Variants in SCFD2 observed in about 807,000 individuals in gnomAD.
SCFD2 encodes sec1 family domain containing 2.
In SCFD2, 54 loss-of-function variants were observed where a neutral mutation model predicts 58.9. That is an observed-to-expected ratio of 0.92 (90% CI 0.74 to 1.15). The LOEUF is 1.15. Among genes scored for constraint, SCFD2 ranks in the 50% most tolerant of loss-of-function variants. SCFD2 has a pLI of 0.00. For synonymous variants in SCFD2, 321 were observed against 335.9 expected (o/e 0.96, Z 0.49); for missense variants, 805 against 836.6 (o/e 0.96, Z 0.47).
intron 5 of SCFD2, among the ~76,000 whole-genome samples, chr4:52,982,756 C>A (rs993947311): frequency 1.8e-4 from 27 of 152,160 alleles, no homozygotes; most frequent in African/African-American, 6.3e-4. Context: ...TCAGACACTC[C>A]TCTACTGCTC....
At position 53,042,632 on chromosome 4, in the gene SCFD2, A is replaced by T. The variant is rs369577984; in HGVS notation, c.1561+102701T>A. Among the ~76,000 whole-genome samples, 255 of 152,282 alleles carry T rather than the reference A, an allele frequency of 1.7e-3. 4 individuals carry two copies. In the South Asian group the frequency reaches 0.049, roughly 29 times the overall value. ...ATGTACATGGAGGATCTGGTATAAGATAAAATATTCTCGAAAACAAAATCT... is the reference window on the plus strand; with the variant it reads ...ATGTACATGGAGGATCTGGTATAAGTTAAAATATTCTCGAAAACAAAATCT... On this transcript the variant is annotated intron_variant, in intron 5 of 8. Coordinates refer to ENST00000401642, the MANE Select transcript of SCFD2 (RefSeq NM_152540.4).
chr4:53,035,378 G>GA (rs1325230413), intron 5 of SCFD2, among the ~76,000 whole-genome samples: 1 of 152,164 alleles, frequency 6.6e-6, no homozygotes, highest in Non-Finnish European at 1.5e-5. Context: ...AATCCTAGGA[G>GA]AAAACCTGGG....
chr4:53,333,645 C>A (rs1020007745), intron 2 of SCFD2, among the ~76,000 whole-genome samples: 2 of 145,754 alleles, frequency 1.4e-5, no homozygotes, highest in African/African-American at 5.1e-5. Flanking sequence ...ACCATAAAAA[C>A]CCTAGAAGAA....
chr4:53,141,417 T>C (rs746162695), intron 5 of SCFD2, among the ~76,000 whole-genome samples: 6 of 152,070 alleles, frequency 3.9e-5, no homozygotes, highest in African/African-American at 1.4e-4. Flanking sequence ...TTTGACAAGA[T>C]TGATCAAAAA....
At chr4:52,940,112 T>A (rs1030377303) in intron 5 of SCFD2, among the ~76,000 whole-genome samples, 4 of 152,204 alleles carry the variant, frequency 2.6e-5, no homozygotes, top group Non-Finnish European at 4.4e-5. Flanking sequence ...CTTGGTCACA[T>A]TTATCAGAAC....
intron 5 of SCFD2, among the ~76,000 whole-genome samples, chr4:53,055,968 C>G (rs1030675742): frequency 1.3e-5 from 2 of 152,126 alleles, no homozygotes; most frequent in African/African-American, 4.8e-5. Context: ...CTAGCCCCAG[C>G]ACTTAACTGC....
chr4:52,880,866 T>C (rs1218081910), intron 8 of SCFD2, among the ~76,000 whole-genome samples: 1 of 152,224 alleles, frequency 6.6e-6, no homozygotes, highest in Non-Finnish European at 1.5e-5. Context: ...ACCATCCAGC[T>C]GCAAAGTTCA....
At chr4:53,041,519 G>A (rs1722900840) in intron 5 of SCFD2, among the ~76,000 whole-genome samples, 1 of 152,172 alleles carries the variant, frequency 6.6e-6, no homozygotes, top group African/African-American at 2.4e-5. Context: ...GATGTCCAAT[G>A]AGAGTAACTA....
At chr4:53,129,804 C>T (rs1209026562) in intron 5 of SCFD2, among the ~76,000 whole-genome samples, 1 of 152,162 alleles carries the variant, frequency 6.6e-6, no homozygotes, top group East Asian at 1.9e-4. Context: ...ACAGTATATC[C>T]ATGCCTTCTT....
chr4:53,250,978 C>T (rs192220258), intron 4 of SCFD2, among the ~76,000 whole-genome samples: 2 of 151,774 alleles, frequency 1.3e-5, no homozygotes, highest in Non-Finnish European at 2.9e-5. Context: ...AAAAGATCAA[C>T]AAACTTGATA....
At chr4:52,885,663 C>A (rs1718720429) in intron 8 of SCFD2, 84 bp downstream of exon 8, 1 of 1,533,010 alleles carries the variant, frequency 6.5e-7, no homozygotes, top group African/African-American at 1.4e-5. Context: ...GAGAGGGGCA[C>A]TGGGACCCAT....
chr4:53,282,372 C>T (rs530702466), intron 3 of SCFD2, among the ~76,000 whole-genome samples: 9 of 152,216 alleles, frequency 5.9e-5, no homozygotes, highest in Admixed American at 5.9e-4. Flanking sequence ...TTTGTTCCTA[C>T]ATTTTAGGAG....
At chr4:53,024,151 T>C (rs1722414046) in intron 5 of SCFD2, among the ~76,000 whole-genome samples, 1 of 152,152 alleles carries the variant, frequency 6.6e-6, no homozygotes, top group Non-Finnish European at 1.5e-5. Context: ...TCTAAAACCC[T>C]GACACCAAGT....
At chr4:53,248,262 T>A (rs1466874335) in intron 4 of SCFD2, among the ~76,000 whole-genome samples, 1 of 152,172 alleles carries the variant, frequency 6.6e-6, no homozygotes, top group South Asian at 2.1e-4. Context: ...GCACCTGGCT[T>A]GGAGGGTCCT....
chr4:53,326,387 C>T (rs1560447957), intron 2 of SCFD2, among the ~76,000 whole-genome samples: 3 of 152,286 alleles, frequency 2.0e-5, no homozygotes, highest in South Asian at 2.1e-4. Flanking sequence ...AAGTGATCCA[C>T]CTGCCTCAGC....
chr4:52,940,054 G>C (rs147798338), intron 5 of SCFD2, among the ~76,000 whole-genome samples: 17 of 152,350 alleles, frequency 1.1e-4, no homozygotes, highest in African/African-American at 4.1e-4. Context: ...CAACTCAGGA[G>C]GACAGAAGGG....
chr4:53,222,345 C>T (rs532559319), intron 4 of SCFD2, among the ~76,000 whole-genome samples: 6 of 152,350 alleles, frequency 3.9e-5, no homozygotes, highest in African/African-American at 1.4e-4. Context: ...TGTGCTCTGA[C>T]ATTCTTCCTG....
At chr4:53,226,771 G>A (rs1451472874) in intron 4 of SCFD2, among the ~76,000 whole-genome samples, 1 of 152,176 alleles carries the variant, frequency 6.6e-6, no homozygotes, top group Non-Finnish European at 1.5e-5. Context: ...TGGACTTGAA[G>A]GATGAGGTAA....
At chr4:53,205,849 G>A (rs183595567) in intron 4 of SCFD2, among the ~76,000 whole-genome samples, 1,827 of 149,538 alleles carry the variant, frequency 0.012, 15 homozygotes, top group Non-Finnish European at 0.021. Context: ...GCTATTGAGC[G>A]AGACTGTCTC....
Sources: allele counts gnomAD v4.1 joint callset (sites outside exome capture counted in the v4.1 genomes callset), GRCh38; gene constraint gnomAD v4.1.1; transcripts MANE v1.5; gene names NCBI Gene and HGNC (gene_info 2026-07-23, HGNC 2026-07-21).